The following GPR39 variants were observed in gnomAD, a reference collection of about 807,000 sequenced individuals.
GPR39 encodes the protein zinc sensing receptor.
A neutral mutation model predicts 18.4 loss-of-function variants in GPR39; 23 were observed. The observed-to-expected ratio is 1.25, with a 90% CI of 0.90 to 1.77. GPR39 has a LOEUF of 1.77. Ranked by LOEUF, GPR39 falls within the 40% of genes most tolerant of loss-of-function variation. The pLI is 0.00. For synonymous variants in GPR39, 280 were observed against 257.9 expected (o/e 1.09, Z -0.82); for missense variants, 647 against 602.4 (o/e 1.07, Z -0.78).
rs146358314 is a variant in GPR39, at chr2:132,601,658, C to T, written c.857-43443C>T. ...TGTCCCTCTTTGCAGACAACATGGTCTTACATATAGGAAAGCCTAAAGACT... is the reference window on the plus strand; with the variant it reads ...TGTCCCTCTTTGCAGACAACATGGTTTTACATATAGGAAAGCCTAAAGACT... On this transcript the variant is annotated intron_variant, in intron 1 of 1. Coordinates refer to ENST00000329321, the MANE Select transcript of GPR39 (RefSeq NM_001508.3). Among the ~76,000 whole-genome samples, 904 of 152,130 alleles carry T rather than the reference C, an allele frequency of 5.9e-3. 10 individuals carry two copies. The highest frequency in any genetic ancestry group is 0.01 in the Middle Eastern group (3 of 294).
chr2:132,486,292 C>A (rs561627807), intron 1 of GPR39, among the ~76,000 whole-genome samples: 3 of 152,172 alleles, frequency 2.0e-5, no homozygotes, highest in Non-Finnish European at 4.4e-5. Flanking sequence ...CCCTAGGATT[C>A]TGAGAATGGA....
intron 1 of GPR39, among the ~76,000 whole-genome samples, chr2:132,643,389 A>G (rs1681900217): frequency 1.3e-5 from 2 of 152,190 alleles, no homozygotes; most frequent in Non-Finnish European, 2.9e-5. Flanking sequence ...CCTTGCTCAC[A>G]TATGGATTTG....
chr2:132,499,200 T>A (rs1681706131), intron 1 of GPR39, among the ~76,000 whole-genome samples: 1 of 152,214 alleles, frequency 6.6e-6, no homozygotes, highest in Non-Finnish European at 1.5e-5. Flanking sequence ...GGGTCTTAGA[T>A]TTAAGTCTTT....
At chr2:132,559,776 C>T (rs1308665072) in intron 1 of GPR39, among the ~76,000 whole-genome samples, 1 of 152,080 alleles carries the variant, frequency 6.6e-6, no homozygotes, top group East Asian at 1.9e-4. Flanking sequence ...CCAAGGGTAA[C>T]ATGTGTTCCA....
At chr2:132,534,348 G>A (rs1179495070) in intron 1 of GPR39, among the ~76,000 whole-genome samples, 4 of 150,720 alleles carry the variant, frequency 2.7e-5, no homozygotes, top group African/African-American at 9.7e-5. Context: ...AACAGGTGCT[G>A]GAGAGGATGT....
intron 1 of GPR39, among the ~76,000 whole-genome samples, chr2:132,542,936 G>T (rs1198668735): frequency 6.6e-6 from 1 of 152,072 alleles, no homozygotes; most frequent in Non-Finnish European, 1.5e-5. Context: ...TGCAGCTCAG[G>T]GTCCCATTCT....
chr2:132,468,748 C>A (rs1680975894), intron 1 of GPR39, among the ~76,000 whole-genome samples: 1 of 152,098 alleles, frequency 6.6e-6, no homozygotes, highest in African/African-American at 2.4e-5. Flanking sequence ...CAGGGCAGGT[C>A]TCTGTCTGGC....
chr2:132,569,989 G>T (rs116451842), intron 1 of GPR39, among the ~76,000 whole-genome samples: 46 of 152,274 alleles, frequency 3.0e-4, no homozygotes, highest in African/African-American at 1.1e-3. Flanking sequence ...CCCAGTCTCG[G>T]GTTTGTCTTT....
chr2:132,551,126 G>T (rs1293921466), intron 1 of GPR39, among the ~76,000 whole-genome samples: 1 of 152,172 alleles, frequency 6.6e-6, no homozygotes, highest in African/African-American at 2.4e-5. Flanking sequence ...GTTTGGCTTT[G>T]GTTCAGCAGC....
intron 1 of GPR39, among the ~76,000 whole-genome samples, chr2:132,431,159 G>A (rs1235864374): frequency 6.6e-6 from 1 of 152,192 alleles, no homozygotes; most frequent in African/African-American, 2.4e-5. Flanking sequence ...TCAGGTTGTG[G>A]CTGCTCATTA....
chr2:132,592,046 G>A (rs1225182086), intron 1 of GPR39, among the ~76,000 whole-genome samples: 1 of 152,160 alleles, frequency 6.6e-6, no homozygotes, highest in Admixed American at 6.5e-5. Context: ...TTTCATTTGT[G>A]CAATAAATAG....
intron 1 of GPR39, among the ~76,000 whole-genome samples, chr2:132,453,528 T>C (rs1213055222): frequency 6.6e-6 from 1 of 152,236 alleles, no homozygotes; most frequent in African/African-American, 2.4e-5. Context: ...CCATTGCTTT[T>C]GGTGTTTTAG....
chr2:132,508,314 A>G (rs1679172988), intron 1 of GPR39, among the ~76,000 whole-genome samples: 1 of 152,168 alleles, frequency 6.6e-6, no homozygotes, highest in Non-Finnish European at 1.5e-5. Context: ...GAGTCTCATC[A>G]AAGGACTTCA....
intron 1 of GPR39, among the ~76,000 whole-genome samples, chr2:132,584,128 C>T (rs1455055145): frequency 6.6e-6 from 1 of 151,964 alleles, no homozygotes; most frequent in Non-Finnish European, 1.5e-5. Context: ...TGCAGTTGAA[C>T]GTGGTGGGAC....
chr2:132,506,126 GA>G (rs1302146236), intron 1 of GPR39, among the ~76,000 whole-genome samples: 2 of 151,320 alleles, frequency 1.3e-5, no homozygotes, highest in African/African-American at 4.9e-5. Context: ...TTGTGGTCTT[GA>G]TTTTCATTTC....
Position 132,518,920 on chromosome 2 carries a change from T to C in GPR39, c.856+101022T>C, listed in dbSNP as rs377136073. Among the ~76,000 whole-genome samples, 31 of 152,300 alleles carry C rather than the reference T, an allele frequency of 2.0e-4. No individual in the cohort carries two copies. The East Asian group carries it at 5.6e-3, about 27-fold the overall frequency. On this transcript the variant is annotated intron_variant, in intron 1 of 1. Transcript: ENST00000329321. ...CTCTAGCCTCCTTTCAAATGAACAA[T>C]AGCCACAAGGGGCTGGTGGCTTCCA...
intron 1 of GPR39, among the ~76,000 whole-genome samples, chr2:132,584,722 AAGC>A (rs1680693703): frequency 6.6e-6 from 1 of 152,200 alleles, no homozygotes; most frequent in Non-Finnish European, 1.5e-5. Context: ...CCGTTTCGAA[AAGC>A]AGGCAGGATC....
chr2:132,626,621 G>A (rs1354556200), intron 1 of GPR39, among the ~76,000 whole-genome samples: 1 of 152,192 alleles, frequency 6.6e-6, no homozygotes, highest in Non-Finnish European at 1.5e-5. Context: ...CTTCAAATAA[G>A]TAAACTCCTT....
intron 1 of GPR39, among the ~76,000 whole-genome samples, chr2:132,517,019 C>T (rs1380724813): frequency 6.6e-6 from 1 of 152,040 alleles, no homozygotes; most frequent in Non-Finnish European, 1.5e-5. Flanking sequence ...AGGGTCCTGG[C>T]TAATTAACTA....
Sources: allele counts gnomAD v4.1 joint callset (sites outside exome capture counted in the v4.1 genomes callset), GRCh38; gene constraint gnomAD v4.1.1; transcripts MANE v1.5; gene names NCBI Gene and HGNC (gene_info 2026-07-23, HGNC 2026-07-21).